Variants in PIK3C2G observed in about 807,000 individuals in gnomAD.
The protein encoded by PIK3C2G is phosphatidylinositol 3-kinase C2 domain-containing subunit gamma.
A neutral mutation model predicts 181.1 loss-of-function variants in PIK3C2G; 168 were observed. That is an observed-to-expected ratio of 0.93 (90% CI 0.82 to 1.05). The LOEUF is 1.05. PIK3C2G is among the 50% of genes least tolerant of loss of function. The pLI is 0.00. For synonymous variants in PIK3C2G, 573 were observed against 592.2 expected, an observed-to-expected ratio of 0.97 and a Z score of 0.47; for missense variants, 1,869 against 1,732.8, an observed-to-expected ratio of 1.08 and a Z score of -1.40.
In PIK3C2G at chr12:18,405,378, CT is replaced by C. The variant is rs373181943; in HGVS notation, c.2315+5532del. Among the ~76,000 whole-genome samples the C allele has an allele frequency of 3.9e-3, 588 of 151,224 alleles. 7 individuals are homozygous for C. The highest frequency in any genetic ancestry group is 0.037 in the South Asian group (173 of 4,718). ...ATAGAAAGAGGCCAGAGATGGAACT[CT>C]GGAGAACAGCAACATTTGTGTTGTT... On this transcript the variant is annotated intron_variant, in intron 16 of 32. Coordinates refer to ENST00000538779, the MANE Select transcript of PIK3C2G (RefSeq NM_001288772.2).
At chr12:18,680,435 T>G in the PIK3C2G span, among the ~76,000 whole-genome samples, 1 of 151,972 alleles carries the variant, frequency 6.6e-6, no homozygotes, top group Non-Finnish European at 1.5e-5. Context: ...TCCTCACACC[T>G]CTTTCAGAGA....
intron 31 of PIK3C2G, among the ~76,000 whole-genome samples, chr12:18,616,601 T>A (rs1948618870): frequency 6.6e-6 from 1 of 152,110 alleles, no homozygotes; most frequent in Non-Finnish European, 1.5e-5. Context: ...GACATAGCCA[T>A]CAATGGATAT....
chr12:18,346,562 A>G, intron 10 of PIK3C2G, 79 bp from the exon 11 acceptor site: 1 of 766,158 alleles, frequency 1.3e-6, no homozygotes, highest in Non-Finnish European at 2.1e-6. Flanking sequence ...GTATTATATG[A>G]CATTTCAAAG....
At chr12:18,308,228 C>T (rs1161014324) in intron 5 of PIK3C2G, among the ~76,000 whole-genome samples, 1 of 151,690 alleles carries the variant, frequency 6.6e-6, no homozygotes, top group African/African-American at 2.4e-5. Flanking sequence ...CTCTAACGTC[C>T]TTTAAAAAAC....
intron 18 of PIK3C2G, among the ~76,000 whole-genome samples, chr12:18,452,521 T>C (rs1252632788): frequency 1.3e-5 from 2 of 152,130 alleles, no homozygotes; most frequent in South Asian, 2.1e-4. Context: ...AAACAGCTTC[T>C]AGATTCATTG....
chr12:18,478,532 T>TGTTG (rs761687526), intron 18 of PIK3C2G, among the ~76,000 whole-genome samples: 13 of 152,146 alleles, frequency 8.5e-5, no homozygotes, highest in Non-Finnish European at 1.5e-4. Context: ...GAAACTGTGA[T>TGTTG]GTTGGTCCCA....
chr12:18,455,922 T>A (rs1160290578), intron 18 of PIK3C2G, among the ~76,000 whole-genome samples: 1 of 152,136 alleles, frequency 6.6e-6, no homozygotes, highest in Non-Finnish European at 1.5e-5. Flanking sequence ...AAATAGACTG[T>A]CTGCCTCCAC....
intron 18 of PIK3C2G, among the ~76,000 whole-genome samples, chr12:18,459,649 C>T (rs934240847): frequency 2.0e-5 from 3 of 152,194 alleles, no homozygotes; most frequent in African/African-American, 7.2e-5. Flanking sequence ...GAATCTGTTG[C>T]ATGCTTAACC....
At chr12:18,525,219 C>A (rs1049641256) in intron 24 of PIK3C2G, among the ~76,000 whole-genome samples, 4 of 151,774 alleles carry the variant, frequency 2.6e-5, no homozygotes, top group African/African-American at 7.3e-5. Context: ...GATAAAACCC[C>A]GTCCCTACTA....
chr12:18,442,216 G>A (rs895892884), intron 18 of PIK3C2G, among the ~76,000 whole-genome samples: 2 of 151,892 alleles, frequency 1.3e-5, no homozygotes, highest in Non-Finnish European at 1.5e-5. Flanking sequence ...CTAACTGACA[G>A]TATTAACCCC....
chr12:18,579,484 C>G (rs1946385386), intron 29 of PIK3C2G, among the ~76,000 whole-genome samples: 1 of 152,066 alleles, frequency 6.6e-6, no homozygotes, highest in African/African-American at 2.4e-5. Context: ...TCTAAAGATA[C>G]AAGAGCAGCC....
chr12:18,259,934 C>T (rs1443279195), upstream of PIK3C2G, among the ~76,000 whole-genome samples: 1 of 152,024 alleles, frequency 6.6e-6, no homozygotes, highest in Non-Finnish European at 1.5e-5. Flanking sequence ...CTTAATTGTT[C>T]TCTGGATTTT....
At chr12:18,329,157 A>T (rs2137526887) in intron 8 of PIK3C2G, among the ~76,000 whole-genome samples, 1 of 152,050 alleles carries the variant, frequency 6.6e-6, no homozygotes, top group East Asian at 1.9e-4. Context: ...ATCAAAATAG[A>T]AGATAATCAC....
At chr12:18,684,336 T>C in the PIK3C2G span, 21 of 1,502,928 alleles carry the variant, frequency 1.4e-5, no homozygotes, top group African/African-American at 1.4e-4. Context: ...TAGGAAAAAA[T>C]AGATTACATT....
chr12:18,539,590 C>A (rs1565488917), intron 25 of PIK3C2G, among the ~76,000 whole-genome samples: 1 of 151,734 alleles, frequency 6.6e-6, no homozygotes, highest in Admixed American at 6.6e-5. Flanking sequence ...ACTCAGTAGC[C>A]ACGTTTGGCT....
chr12:18,511,427 A>G (rs1157274238), intron 24 of PIK3C2G, among the ~76,000 whole-genome samples: 2 of 152,052 alleles, frequency 1.3e-5, no homozygotes, highest in Non-Finnish European at 2.9e-5. Flanking sequence ...TTGCTGTACT[A>G]ATTTATGTTC....
intron 29 of PIK3C2G, among the ~76,000 whole-genome samples, chr12:18,582,180 C>T (rs1946532722): frequency 6.6e-6 from 1 of 152,116 alleles, no homozygotes; most frequent in Non-Finnish European, 1.5e-5. Context: ...CAAGGAAATA[C>T]AGCACCTGCG....
chr12:18,351,647 G>C (rs1940225929), intron 11 of PIK3C2G, among the ~76,000 whole-genome samples: 1 of 152,158 alleles, frequency 6.6e-6, no homozygotes, highest in South Asian at 2.1e-4. Context: ...AGGACCCCTG[G>C]AGATAACAAA....
chr12:18,488,318 C>A, intron 18 of PIK3C2G, 131 bp from the exon 19 acceptor site: 1 of 440,524 alleles, frequency 2.3e-6, no homozygotes, highest in Non-Finnish European at 3.9e-6. Flanking sequence ...ACATTTTCCC[C>A]ATTCTAGGTT....
Sources: gnomAD v4.1 joint callset for allele counts (sites outside exome capture counted in the v4.1 genomes callset) on GRCh38, gnomAD v4.1.1 for gene constraint, MANE v1.5 for transcripts, NCBI Gene and HGNC (gene_info 2026-07-23, HGNC 2026-07-21) for gene names.